Variants in SDK1 observed in about 807,000 individuals in gnomAD.
SDK1 encodes sidekick cell adhesion molecule 1, also known as protein sidekick-1.
Under a neutral mutation model 245.5 loss-of-function variants are expected in SDK1, and 157 were observed. That is an observed-to-expected ratio of 0.64 (90% confidence interval 0.56 to 0.73). The LOEUF (loss-of-function observed/expected upper bound fraction) is 0.73. Among genes scored for constraint, SDK1 ranks in the 30% least tolerant of loss-of-function variants. The pLI, the probability that SDK1 is intolerant of heterozygous loss-of-function variation, is 0.00. For synonymous variants in SDK1, 1,647 were observed against 1,278.5 expected (o/e 1.29, Z -6.15); for missense variants, 3,583 against 3,002.3 (o/e 1.19, Z -4.52).
chr7:3,419,011 C>T (rs538755790), intron 1 of SDK1, among the ~76,000 whole-genome samples: 1 of 152,186 alleles, frequency 6.6e-6, no homozygotes, highest in African/African-American at 2.4e-5. Context: ...TATCAAAAGT[C>T]GTAACTCCTT....
Position 4,102,542 on chromosome 7 carries a change from TTCCTC to T in SDK1, c.3325-8117_3325-8113del, listed in dbSNP as rs1782624446. 7.2e-5 allele frequency among the ~76,000 whole-genome samples: 11 copies of T among 152,282 alleles called. No individual in the cohort carries two copies. The South Asian group carries it at 2.3e-3, about 32-fold the overall frequency. On this transcript the variant is annotated intron_variant, in intron 22 of 44. Coordinates refer to ENST00000404826, the MANE Select transcript of SDK1 (RefSeq NM_152744.4). ...CCACACGCAGCTGCACCTTGTCTGC[TTCCTC>T]TCCATGTGCAGAATTACCTTTGGGA...
At chr7:3,446,411 G>A (rs770092448) in intron 1 of SDK1, among the ~76,000 whole-genome samples, 19 of 152,042 alleles carry the variant, frequency 1.2e-4, no homozygotes, top group Non-Finnish European at 2.8e-4. Flanking sequence ...GCGGAAAGTT[G>A]GAGACAATCT....
intron 20 of SDK1, among the ~76,000 whole-genome samples, chr7:4,074,556 A>C (rs1457255029): frequency 6.6e-6 from 1 of 152,048 alleles, no homozygotes; most frequent in Non-Finnish European, 1.5e-5. Flanking sequence ...AAATGCTAAG[A>C]TGTAAAGCGA....
intron 17 of SDK1, among the ~76,000 whole-genome samples, chr7:4,039,600 T>A (rs981796765): frequency 1.3e-5 from 2 of 152,232 alleles, no homozygotes; most frequent in African/African-American, 2.4e-5. Context: ...ATTAAAGTTC[T>A]GAAAAACTCA....
At chr7:3,919,230 C>G (rs1450219287) in intron 5 of SDK1, among the ~76,000 whole-genome samples, 1 of 152,228 alleles carries the variant, frequency 6.6e-6, no homozygotes, top group Non-Finnish European at 1.5e-5. Flanking sequence ...CTCCCCCAGG[C>G]CATAATGAGG....
At chr7:3,390,208 G>A (rs990818007) in intron 1 of SDK1, among the ~76,000 whole-genome samples, 35 of 152,246 alleles carry the variant, frequency 2.3e-4, no homozygotes, top group African/African-American at 7.0e-4. Flanking sequence ...GCTTCATGCC[G>A]GAGGGTTCCA....
intron 1 of SDK1, among the ~76,000 whole-genome samples, chr7:3,316,201 C>T (rs796406552): frequency 6.6e-5 from 10 of 152,200 alleles, no homozygotes; most frequent in African/African-American, 2.4e-4. Flanking sequence ...CAGCCATGTA[C>T]CCTATAATGA....
At chr7:3,581,291 G>A (rs1465526585) in intron 1 of SDK1, among the ~76,000 whole-genome samples, 4 of 152,130 alleles carry the variant, frequency 2.6e-5, no homozygotes, top group Non-Finnish European at 4.4e-5. Flanking sequence ...ATAAATCAGT[G>A]CTATGAACTA....
intron 1 of SDK1, among the ~76,000 whole-genome samples, chr7:3,407,497 C>G (rs193037307): frequency 1.3e-5 from 2 of 152,134 alleles, no homozygotes; most frequent in African/African-American, 4.8e-5. Flanking sequence ...ATGAGTGAAC[C>G]AGTAAAATGA....
intron 5 of SDK1, among the ~76,000 whole-genome samples, chr7:3,925,145 C>G (rs1779724020): frequency 6.6e-6 from 1 of 152,140 alleles, no homozygotes; most frequent in Non-Finnish European, 1.5e-5. Context: ...AACCAGGGCC[C>G]CAGAGCTGTC....
At chr7:3,522,356 C>G (rs1486273828) in intron 1 of SDK1, among the ~76,000 whole-genome samples, 1 of 152,190 alleles carries the variant, frequency 6.6e-6, no homozygotes, top group East Asian at 1.9e-4. Flanking sequence ...ATGTCAGTGT[C>G]TCCAGTAGAA....
intron 4 of SDK1, among the ~76,000 whole-genome samples, chr7:3,809,758 G>A (rs917205627): frequency 1.3e-5 from 2 of 152,196 alleles, no homozygotes; most frequent in East Asian, 1.9e-4. Flanking sequence ...GCAGCATCAC[G>A]TGGAGCGAGG....
chr7:3,669,959 A>G (rs1783646149), intron 4 of SDK1, among the ~76,000 whole-genome samples: 1 of 152,214 alleles, frequency 6.6e-6, no homozygotes, highest in Admixed American at 6.5e-5. Context: ...GCAAGAACCA[A>G]GGAATTATCC....
At chr7:3,907,298 C>G (rs1020986842) in intron 5 of SDK1, among the ~76,000 whole-genome samples, 8 of 152,220 alleles carry the variant, frequency 5.3e-5, no homozygotes, top group African/African-American at 1.9e-4. Flanking sequence ...CCCACCTCCC[C>G]TTTCGCCACT....
chr7:4,130,257 C>G (rs734116), intron 27 of SDK1, 160 bp downstream of exon 27: 1 of 732,832 alleles, frequency 1.4e-6, no homozygotes, highest in Non-Finnish European at 2.2e-6. Flanking sequence ...TCACTGAGCA[C>G]TTATATGGCC....
chr7:3,706,722 C>G (rs1173724045), intron 4 of SDK1, among the ~76,000 whole-genome samples: 1 of 152,082 alleles, frequency 6.6e-6, no homozygotes, highest in Non-Finnish European at 1.5e-5. Flanking sequence ...TTTTAAATTA[C>G]TCATTCAGTC....
Position 3,547,333 on chromosome 7 carries a change from G to C in SDK1, c.299-71747G>C, listed in dbSNP as rs577155131. Among the ~76,000 whole-genome samples, 42 of 152,256 alleles carry C rather than the reference G, an allele frequency of 2.8e-4. 1 individual carries two copies. In the South Asian group the frequency reaches 8.7e-3, roughly 32 times the overall value. On this transcript the variant is annotated intron_variant, in intron 1 of 44. Transcript: ENST00000404826. Reference sequence around the variant, plus strand: ...AACTGTATTGGTCAAAGCAAGTTATGTGGTAAATAAAAATTAACAATAAAA... The same window carrying C: ...AACTGTATTGGTCAAAGCAAGTTATCTGGTAAATAAAAATTAACAATAAAA...
At position 4,017,187 on chromosome 7, in the gene SDK1, C is replaced by A. The variant is rs768630974; in HGVS notation, c.2437C>A (p.Leu813Ile). Residue 813 changes from leucine (L) to isoleucine (I), a missense_variant, in exon 17 of 45, where the codon CTT becomes ATT. By Grantham distance (5) the Leu-to-Ile change is conservative (BLOSUM62 2). Transcript: ENST00000404826. Reference sequence around the variant, plus strand: ...GTGGCGCAGGTACCGCCTGGCTGGCCTTCCCGGAGAGTACCAGCAGCGGAA... The same window carrying A: ...GTGGCGCAGGTACCGCCTGGCTGGCATTCCCGGAGAGTACCAGCAGCGGAA... ...GYILRYRLAG[L>I]PGEYQQRNIT... The A allele has an allele frequency of 2.7e-5, 44 of 1,611,338 alleles. 1 individual carries two copies. The African/African-American group carries it at 5.5e-4, about 20-fold the overall frequency.
At chr7:3,619,318 C>T in intron 2 of SDK1, 79 bp downstream of exon 2, 1 of 1,191,984 alleles carries the variant, frequency 8.4e-7, no homozygotes, top group South Asian at 1.5e-5. Context: ...CATAATAGCA[C>T]AATGAGTGAA....
Sources: allele counts gnomAD v4.1 joint callset (sites outside exome capture counted in the v4.1 genomes callset), GRCh38; gene constraint gnomAD v4.1.1; transcripts MANE v1.5; gene names NCBI Gene and HGNC (gene_info 2026-07-23, HGNC 2026-07-21).